PCDHGA3: variants seen among roughly 807,000 people sequenced by gnomAD.
PCDHGA3 encodes protocadherin gamma subfamily A, 3.
In PCDHGA3, 40 loss-of-function variants were observed where a neutral mutation model predicts 58.5. The observed-to-expected ratio is 0.68, with a 90% CI of 0.53 to 0.89. The LOEUF (loss-of-function observed/expected upper bound fraction) is 0.89. Ranked by LOEUF, PCDHGA3 falls within the 40% of genes least tolerant of loss-of-function variation. The pLI, the probability that PCDHGA3 is intolerant of heterozygous loss-of-function variation, is 0.00. For synonymous variants in PCDHGA3, 530 were observed against 525.7 expected, an observed-to-expected ratio of 1.01 and a Z score of -0.11; for missense variants, 1,223 against 1,195.9, an observed-to-expected ratio of 1.02 and a Z score of -0.33.
rs2099745754 is a variant in PCDHGA3 at position 141,493,023 on chromosome 5, T to A, written c.2425-1784T>A. Among the ~76,000 whole-genome samples the A allele has an allele frequency of 6.6e-6, 1 of 152,190 alleles. No individual in the cohort carries two copies. The highest frequency in any genetic ancestry group is 2.4e-5 in the African/African-American group (1 of 41,450). On this transcript the variant is annotated intron_variant, in intron 1 of 3. Coordinates refer to ENST00000253812, the MANE Select transcript of PCDHGA3 (RefSeq NM_018916.4). The surrounding 1 kb of genome is among the most constrained non-coding windows in gnomAD (Gnocchi z 4.3). ...CTATAGGCTCTGCCAGATGCCAGGGTGCCCTTATGTGTGAGGAAACTACAA... is the reference window on the plus strand; with the variant it reads ...CTATAGGCTCTGCCAGATGCCAGGGAGCCCTTATGTGTGAGGAAACTACAA...
intron 1 of PCDHGA3, chr5:141,399,640 G>C: frequency 2.5e-6 from 4 of 1,613,836 alleles, no homozygotes; most frequent in Non-Finnish European, 3.4e-6. Flanking sequence ...GTCCATGAGC[G>C]CGCAAAGTGG....
Position 141,476,944 on chromosome 5 carries a change from C to A in PCDHGA3, c.2425-17863C>A. The A allele has an allele frequency of 1.9e-6, 3 of 1,614,188 alleles. No individual in the cohort carries two copies. The highest frequency in any genetic ancestry group is 2.5e-6 in the Non-Finnish European group (3 of 1,180,044). ...CAACGGATCTGGATGAAGGCCCCAA[C>A]GGTGAAATTATTTACTCCTTCGGCA... On this transcript the variant is annotated intron_variant, in intron 1 of 3. Transcript: ENST00000253812. This position sits in a 1 kb window ranked among gnomAD's most constrained non-coding sequence, Gnocchi z 7.6.
chr5:141,355,191 C>A (rs746909575), intron 1 of PCDHGA3: 2 of 1,591,882 alleles, frequency 1.3e-6, no homozygotes, highest in East Asian at 2.2e-5. Context: ...GACTCCGCGG[C>A]GGGGTTGTAA....
At chr5:141,433,031 T>G (rs2097561851) in intron 1 of PCDHGA3, 2 of 1,614,088 alleles carry the variant, frequency 1.2e-6, no homozygotes, top group Non-Finnish European at 8.5e-7. Flanking sequence ...CCACGAGGTT[T>G]CCCTCACCAC....
At chr5:141,387,000 C>T (rs1211654185) in intron 1 of PCDHGA3, among the ~76,000 whole-genome samples, 7 of 152,118 alleles carry the variant, frequency 4.6e-5, no homozygotes, top group African/African-American at 1.7e-4. Flanking sequence ...TATTATCCCC[C>T]TGATAACTTT....
rs1408799959 is a variant in PCDHGA3, at chr5:141,345,390, C to T, written c.1357C>T (p.Pro453Ser). ...CATCAATGACAACCCACCCACCTTC[C>T]CTCATTTATCCTACTCCGCCTACAT... ...IDINDNPPTF[P>S]HLSYSAYIPE... The change falls in exon 1 of 4, where the codon CCT (proline) becomes TCT (serine). Residue 453 changes from proline to serine, a missense_variant. Physicochemically the swap from Pro to Ser is moderately conservative, Grantham distance 74. Transcript: ENST00000253812. 10 of 1,614,144 alleles carry T rather than the reference C, an allele frequency of 6.2e-6. 1 individual carries two copies. The South Asian group carries it at 9.9e-5, about 16-fold the overall frequency.
intron 1 of PCDHGA3, chr5:141,376,383 A>G: frequency 5.0e-6 from 8 of 1,614,228 alleles, no homozygotes; most frequent in Non-Finnish European, 6.8e-6. Flanking sequence ...CGTAAGAGTC[A>G]TCTGATTTTC....
chr5:141,408,570 T>C (rs1184307323), intron 1 of PCDHGA3: 5 of 1,613,966 alleles, frequency 3.1e-6, no homozygotes, highest in East Asian at 2.2e-5. Context: ...ATTGTGGTGA[T>C]TGAGGATGTT....
At chr5:141,362,694 C>A in intron 1 of PCDHGA3, 1 of 1,100,690 alleles carries the variant, frequency 9.1e-7, no homozygotes. Flanking sequence ...TCTTATCTAA[C>A]TGAATTTTAA....
rs752811986 is a variant in PCDHGA3, at chr5:141,366,261, T to A, written c.2424+19804T>A. The stretch of plus-strand genomic sequence containing the variant: ...GACGCGCTCAAGCAGAGCCTCGTGG[T>A]GGCCGTCGAAGACCATGGCCAGCCC... On this transcript the variant is annotated intron_variant, in intron 1 of 3. Transcript: ENST00000253812. The A allele has an allele frequency of 1.4e-5, 23 of 1,613,602 alleles. No individual in the cohort carries two copies. The Admixed American group carries it at 2.3e-4, about 16-fold the overall frequency.
rs139867523 is a variant in PCDHGA3, at chr5:141,474,274, G to A, written c.2425-20533G>A. 1.2e-4 allele frequency among the ~76,000 whole-genome samples: 19 copies of A among 152,278 alleles called. No homozygotes were observed. In the East Asian group the frequency reaches 3.3e-3, roughly 26 times the overall value. On this transcript the variant is annotated intron_variant, in intron 1 of 3. Coordinates refer to ENST00000253812, the MANE Select transcript of PCDHGA3 (RefSeq NM_018916.4). ...AAGACTGATAAACCAGTGTATCTCT[G>A]AATAACCCACTAGATCAGTGCTTGT...
At chr5:141,453,492 G>A (rs1046043468) in intron 1 of PCDHGA3, among the ~76,000 whole-genome samples, 7 of 152,000 alleles carry the variant, frequency 4.6e-5, no homozygotes, top group African/African-American at 7.3e-5. Context: ...AAAAAAAGGT[G>A]TACTCAGAAA....
intron 1 of PCDHGA3, chr5:141,418,251 C>G: frequency 6.2e-7 from 1 of 1,614,058 alleles, no homozygotes; most frequent in Non-Finnish European, 8.5e-7. Context: ...GACCACGCCC[C>G]TCAATTCCGG....
At chr5:141,391,576 T>A (rs1172672552) in intron 1 of PCDHGA3, 1 of 152,236 alleles carries the variant, frequency 6.6e-6, no homozygotes, top group Non-Finnish European at 1.5e-5. Flanking sequence ...AGAAAATATA[T>A]TCACAGGAAA....
At chr5:141,430,641 T>C (rs1332550435) in intron 1 of PCDHGA3, 2 of 902,672 alleles carry the variant, frequency 2.2e-6, no homozygotes, top group East Asian at 5.4e-5. Flanking sequence ...TCCCTGGGAG[T>C]ATGTGGAAAC....
chr5:141,415,760 T>G (rs779762678), intron 1 of PCDHGA3: 355 of 1,388,296 alleles, frequency 2.6e-4, no homozygotes, highest in East Asian at 7.0e-4. Flanking sequence ...TTTTTTTTTT[T>G]TTTTTTTTTT....
chr5:141,389,590 G>T (rs1409328445), intron 1 of PCDHGA3: 1 of 1,613,014 alleles, frequency 6.2e-7, no homozygotes, highest in Non-Finnish European at 8.5e-7. Context: ...GGTCCCGACG[G>T]CTCTGCGCTC....
chr5:141,365,329 G>T (rs768826451), intron 1 of PCDHGA3: 1 of 1,613,968 alleles, frequency 6.2e-7, no homozygotes, highest in Non-Finnish European at 8.5e-7. Flanking sequence ...GCGCTAAGGT[G>T]GTGGTCACAG....
chr5:141,488,040 G>A (rs1212272063), intron 1 of PCDHGA3, among the ~76,000 whole-genome samples: 1 of 152,112 alleles, frequency 6.6e-6, no homozygotes, highest in Non-Finnish European at 1.5e-5. Flanking sequence ...CATTTCCCAA[G>A]GGATTGAGGG....
Sources: allele counts gnomAD v4.1 joint callset (sites outside exome capture counted in the v4.1 genomes callset), GRCh38; gene constraint gnomAD v4.1.1; non-coding constraint Gnocchi (gnomAD v3.1); transcripts MANE v1.5; gene names NCBI Gene and HGNC (gene_info 2026-07-23, HGNC 2026-07-21).